The following SORCS3 variants were observed in gnomAD, a reference collection of about 807,000 sequenced individuals.
SORCS3 encodes the protein VPS10 domain-containing receptor SorCS3.
SORCS3 carries 57 observed loss-of-function variants against 146.3 expected under a neutral mutation model. That is an observed-to-expected ratio of 0.39 (90% confidence interval 0.31 to 0.49). The LOEUF is 0.49. Ranked by LOEUF, SORCS3 falls within the 20% of genes least tolerant of loss-of-function variation. The probability of loss-of-function intolerance (pLI) is 0.92; values close to 1 mark genes in which losing one functional copy is unlikely to be tolerated. For missense variants in SORCS3, 1,341 were observed against 1,575.5 expected, an observed-to-expected ratio of 0.85 and a Z score of 2.52; for synonymous variants, 653 against 618.5, an observed-to-expected ratio of 1.06 and a Z score of -0.83.
chr10:104,785,089 C>G (rs993948956), intron 1 of SORCS3, among the ~76,000 whole-genome samples: 5 of 152,156 alleles, frequency 3.3e-5, no homozygotes, highest in Non-Finnish European at 4.4e-5. Flanking sequence ...GACCCCCCCC[C>G]ACCTCCCTCC....
intron 3 of SORCS3, among the ~76,000 whole-genome samples, chr10:104,923,173 C>T (rs367905601): frequency 1.3e-5 from 2 of 152,144 alleles, no homozygotes; most frequent in African/African-American, 2.4e-5. Context: ...CAGCTCAGGT[C>T]GTCTGGATGG....
chr10:105,052,755 A>G lies in SORCS3; in HGVS notation c.1028+9627A>G, dbSNP rs139189803. Among the ~76,000 whole-genome samples, 648 of 152,158 alleles carry G rather than the reference A, an allele frequency of 4.3e-3. 7 individuals are homozygous for G. The highest frequency in any genetic ancestry group is 0.014 in the African/African-American group (601 of 41,520). On this transcript the variant is annotated intron_variant, in intron 5 of 26. Coordinates refer to ENST00000369701, the MANE Select transcript of SORCS3 (RefSeq NM_014978.3). ...AGAGGCCTAGAGAGAGAAGAGGTCA[A>G]TGTTGAGCTCGGCGCCCAAGGAGAA...
intron 7 of SORCS3, among the ~76,000 whole-genome samples, chr10:105,117,017 A>G (rs2055898529): frequency 6.6e-6 from 1 of 152,014 alleles, no homozygotes; most frequent in Non-Finnish European, 1.5e-5. Context: ...AAACCTGTGC[A>G]TGTACCCTGA....
intron 2 of SORCS3, among the ~76,000 whole-genome samples, chr10:104,914,071 T>C (rs768080209): frequency 3.9e-5 from 6 of 152,106 alleles, no homozygotes; most frequent in Non-Finnish European, 5.9e-5. Context: ...ACCCGGAATC[T>C]TCATCCCTCA....
intron 5 of SORCS3, among the ~76,000 whole-genome samples, chr10:105,049,565 A>G (rs1453286366): frequency 6.6e-6 from 1 of 152,138 alleles, no homozygotes; most frequent in Non-Finnish European, 1.5e-5. Flanking sequence ...AGGGTTTAAT[A>G]TTAGTTAAGG....
chr10:104,655,247 CAAAA>C (rs34712784), intron 1 of SORCS3, among the ~76,000 whole-genome samples: 1 of 133,276 alleles, frequency 7.5e-6, no homozygotes, highest in African/African-American at 3.0e-5. Context: ...AGCTCCGTCT[CAAAA>C]AAAAAAAAAA....
chr10:105,133,025 A>G (rs2056032794), intron 7 of SORCS3, among the ~76,000 whole-genome samples: 1 of 152,212 alleles, frequency 6.6e-6, no homozygotes, highest in Admixed American at 6.5e-5. Flanking sequence ...ATCACAGAGA[A>G]GCAGAAAATG....
chr10:104,733,599 A>G (rs962054698), intron 1 of SORCS3, among the ~76,000 whole-genome samples: 7 of 151,094 alleles, frequency 4.6e-5, no homozygotes, highest in African/African-American at 7.3e-5. Flanking sequence ...TTTGGTGCCA[A>G]GCACTGAGTT....
chr10:104,992,866 A>G (rs190067337), intron 4 of SORCS3, among the ~76,000 whole-genome samples: 2 of 152,308 alleles, frequency 1.3e-5, no homozygotes, highest in East Asian at 3.9e-4. Context: ...AGAAACGTCT[A>G]GAAAGAAACC....
intron 2 of SORCS3, among the ~76,000 whole-genome samples, chr10:104,865,900 G>A (rs537388952): frequency 8.5e-5 from 13 of 152,220 alleles, no homozygotes; most frequent in Non-Finnish European, 1.5e-4. Context: ...GCTGTTTGCA[G>A]TACTCTGTCC....
At chr10:104,960,855 C>CT (rs2054791740) in intron 3 of SORCS3, among the ~76,000 whole-genome samples, 1 of 152,062 alleles carries the variant, frequency 6.6e-6, no homozygotes, top group Non-Finnish European at 1.5e-5. Context: ...AAACCTCCCC[C>CT]TTTTTTGATG....
At chr10:104,704,703 C>A (rs992939812) in intron 1 of SORCS3, among the ~76,000 whole-genome samples, 1 of 152,158 alleles carries the variant, frequency 6.6e-6, no homozygotes, top group Admixed American at 6.5e-5. Flanking sequence ...TGTGTTCCAT[C>A]CATGCAGATC....
At chr10:104,674,362 T>C (rs1347208067) in intron 1 of SORCS3, among the ~76,000 whole-genome samples, 2 of 152,222 alleles carry the variant, frequency 1.3e-5, no homozygotes, top group African/African-American at 2.4e-5. Context: ...GCAAAAATGA[T>C]GGGGTATCAC....
chr10:105,263,571 G>T lies in SORCS3; in HGVS notation c.*197G>T. ...TTGAAATGAGACAAAGGGAATAAAT[G>T]GCTGTATTTGTGCTAAGAGCAAAGG... is the stretch of plus-strand genomic sequence containing the variant. On this transcript the variant is annotated 3_prime_UTR_variant, in exon 27 of 27. Transcript: ENST00000369701. 8.8e-6 allele frequency: 5 copies of T among 568,958 alleles called. No individual in the cohort carries two copies. In the South Asian group the frequency reaches 1.2e-4, roughly 13 times the overall value. 35.2% of individuals were successfully genotyped at this position (568,958 alleles called of 1,614,324 possible).
chr10:104,658,574 C>T (rs934561503), intron 1 of SORCS3, among the ~76,000 whole-genome samples: 3 of 152,126 alleles, frequency 2.0e-5, no homozygotes, highest in Non-Finnish European at 2.9e-5. Context: ...ATGGTGGTCT[C>T]GAACTCCTGA....
chr10:104,700,698 C>T (rs900140854), intron 1 of SORCS3, among the ~76,000 whole-genome samples: 1 of 152,112 alleles, frequency 6.6e-6, no homozygotes, highest in Non-Finnish European at 1.5e-5. Context: ...GTGATACCAA[C>T]TGATGCTGAC....
intron 1 of SORCS3, among the ~76,000 whole-genome samples, chr10:104,773,300 T>C (rs1269222559): frequency 6.6e-6 from 1 of 152,158 alleles, no homozygotes; most frequent in African/African-American, 2.4e-5. Flanking sequence ...GAGTTCCTTG[T>C]AGGCAAGGGC....
At chr10:104,654,681 C>T (rs2015603670) in intron 1 of SORCS3, among the ~76,000 whole-genome samples, 1 of 152,166 alleles carries the variant, frequency 6.6e-6, no homozygotes, top group Non-Finnish European at 1.5e-5. Flanking sequence ...TTGGGAAGTA[C>T]TTAGGTTACT....
At chr10:104,834,588 G>GA (rs2018044505) in intron 1 of SORCS3, among the ~76,000 whole-genome samples, 1 of 148,304 alleles carries the variant, frequency 6.7e-6, no homozygotes, top group Non-Finnish European at 1.5e-5. Context: ...GCCCACCCTG[G>GA]AACCACCCCT....
Sources: gnomAD v4.1 joint callset for allele counts (sites outside exome capture counted in the v4.1 genomes callset) on GRCh38, gnomAD v4.1.1 for gene constraint, MANE v1.5 for transcripts, NCBI Gene and HGNC (gene_info 2026-07-23, HGNC 2026-07-21) for gene names.